The following NRBP1 variants were observed in gnomAD, a reference collection of about 807,000 sequenced individuals.
NRBP1 encodes nuclear receptor binding protein 1, also known as nuclear receptor-binding protein.
In NRBP1, 10 loss-of-function variants were observed where a neutral mutation model predicts 76.0. The observed-to-expected ratio is 0.13, with a 90% CI of 0.08 to 0.22. The LOEUF is 0.22. Among genes scored for constraint, NRBP1 ranks in the 10% least tolerant of loss-of-function variants. The probability of loss-of-function intolerance (pLI) is 1.00; values close to 1 mark genes in which losing one functional copy is unlikely to be tolerated. For missense variants in NRBP1, 344 were observed against 646.0 expected (o/e 0.53, Z 5.07); for synonymous variants, 235 against 240.2 (o/e 0.98, Z 0.20).
At chr2:27,428,601 C>A (rs1257926069), upstream of NRBP1, 2 of 397,608 alleles carry the variant, frequency 5.0e-6, no homozygotes, top group East Asian at 7.1e-5. Flanking sequence ...ATCGTTGGTC[C>A]GGGCGCCGCG....
At chr2:27,436,860 C>G (rs1339816928) in intron 8 of NRBP1, 24 bp downstream of exon 8, 2 of 1,602,166 alleles carry the variant, frequency 1.2e-6, no homozygotes, top group Non-Finnish European at 1.7e-6. Flanking sequence ...CTTTCTCTGC[C>G]CTGTCCTCAT....
intron 4 of NRBP1, 69 bp downstream of exon 4, chr2:27,434,159 T>C (rs1304864652): frequency 8.1e-7 from 1 of 1,233,936 alleles, no homozygotes; most frequent in African/African-American, 1.5e-5. Context: ...TATTGTTCCT[T>C]TTACACTCAG....
At chr2:27,441,002 CAAAT>C (rs1664522713) in intron 14 of NRBP1, 62 bp downstream of exon 14, 7 of 1,610,628 alleles carry the variant, frequency 4.3e-6, no homozygotes, top group East Asian at 2.2e-5. Flanking sequence ...GAGGACATCT[CAAAT>C]AAGGCTCTAT....
intron 1 of NRBP1, chr2:27,429,167 C>G (rs562779981): frequency 6.5e-6 from 1 of 152,734 alleles, no homozygotes; most frequent in East Asian, 1.9e-4. Flanking sequence ...ACTGCGCTGT[C>G]GGTCCGGCCT....
chr2:27,436,707 T>C (rs759202376), intron 7 of NRBP1, 46 bp from the exon 8 acceptor site: 22 of 1,544,956 alleles, frequency 1.4e-5, no homozygotes, highest in Non-Finnish European at 2.0e-5. Flanking sequence ...GTGAGACTAT[T>C]CTTCATTGAT....
At chr2:27,436,046 T>A (rs533591100) in intron 7 of NRBP1, 16 of 529,918 alleles carry the variant, frequency 3.0e-5, no homozygotes, top group Middle Eastern at 5.1e-4. Flanking sequence ...TAGTCATTGT[T>A]TATGATCTGA....
At chr2:27,434,660 G>A in intron 5 of NRBP1, 62 bp from the exon 6 acceptor site, 2 of 1,601,522 alleles carry the variant, frequency 1.2e-6, no homozygotes, top group Non-Finnish European at 1.7e-6. Flanking sequence ...GACGGAAGGA[G>A]CTAGTGGGAG....
Position 27,441,330 on chromosome 2 carries a change from A to C in NRBP1, c.1447A>C (p.Asn483His), listed in dbSNP as rs750877807. ...GCACCTGAGCTGTGACCTGATGCCA[A>C]GTGAGTCTCTCCTTTCCCTCAGAGG... is the stretch of plus-strand genomic sequence containing the variant. ...NRHLSCDLMP[N>H]ENIPELAAEL... The change falls in exon 16 of 18, where the codon AAT (asparagine) becomes CAT (histidine). Residue 483 changes from asparagine to histidine, a missense_variant and splice_region_variant. Physicochemically the swap from Asn to His is moderately conservative, Grantham distance 68 (BLOSUM62 1). Around this residue, in one of 3 missense-constraint regions of NRBP1, gnomAD observed 218 missense variants for 309.8 expected, o/e 0.70. Transcript: ENST00000379852. 1 of 1,613,720 alleles carries C rather than the reference A, an allele frequency of 6.2e-7. No individual in the cohort carries two copies.
Position 27,441,727 on chromosome 2 carries a change from C to T in NRBP1, c.1523C>T (p.Thr508Ile), listed in dbSNP as rs1362882652. 6 of 1,613,976 alleles carry T rather than the reference C, an allele frequency of 3.7e-6. No individual in the cohort carries two copies. Among genetic ancestry groups the T allele is most frequent in the Admixed American group, 1.7e-5 (1 of 60,002 alleles). ...FISEADQSRL[T>I]SLLEETLNKF... is the part of the protein sequence containing the mutation. Reference sequence around the variant, plus strand: ...CCCCAGGCTGACCAGAGCCGGTTGACTTCTCTGCTAGAAGAGACCTTGAAC... The same window carrying T: ...CCCCAGGCTGACCAGAGCCGGTTGATTTCTCTGCTAGAAGAGACCTTGAAC... The change falls in exon 18 of 18, where the codon ACT becomes ATT. Residue 508 changes from threonine to isoleucine, a missense_variant. Physicochemically the swap from Thr to Ile is moderately conservative, Grantham distance 89. Coordinates refer to ENST00000379852, the MANE Select transcript of NRBP1 (RefSeq NM_013392.4).
At chr2:27,434,609 T>C in intron 5 of NRBP1, 49 bp downstream of exon 5, 3 of 1,596,730 alleles carry the variant, frequency 1.9e-6, no homozygotes, top group Non-Finnish European at 2.6e-6. Context: ...TGGGGGTGGT[T>C]TTAAAAAGGA....
At chr2:27,429,849 T>C (rs1243026070) in intron 1 of NRBP1, among the ~76,000 whole-genome samples, 3 of 152,312 alleles carry the variant, frequency 2.0e-5, no homozygotes, top group Admixed American at 2.0e-4. Flanking sequence ...CTGGAGCCCA[T>C]TGGCTACAGC....
At position 27,428,721 on chromosome 2, in the gene NRBP1, G is replaced by A; in HGVS notation, c.-31G>A. ...AGCTGAAGCGCAGGCTGCGGGGCGC[G>A]GAGTCGGGAGGTGAGCGCCCAGGGA... On this transcript the variant is annotated 5_prime_UTR_variant, in exon 1 of 18. Transcript: ENST00000379852. 2 of 398,286 alleles carry A rather than the reference G, an allele frequency of 5.0e-6. No individual in the cohort carries two copies. The highest frequency in any genetic ancestry group is 8.9e-6 in the Non-Finnish European group (2 of 225,824). 24.7% of individuals were successfully genotyped at this position (398,286 alleles called of 1,614,324 possible). A position where few individuals can be genotyped will look rare whatever the true frequency, so the allele number is the denominator to read the frequency against.
chr2:27,439,890 G>T lies in NRBP1; in HGVS notation c.1028G>T (p.Gly343Val). Residue 343 changes from glycine to valine, a missense_variant, in exon 11 of 18, where the codon GGA (glycine) becomes GTA (valine). By Grantham distance (109) the Gly-to-Val change is moderately radical. This residue lies in a region of NRBP1 where 218 missense variants were observed against 309.8 expected (regional missense o/e 0.70). Transcript: ENST00000379852. ...CTCCTTGCGGCCCACTGCATTGTGG[G>T]ACACCAACGTGAGTCGTCTTGGCCC... ...LKLLAAHCIV[G>V]HQHMIPENAL... The T allele has an allele frequency of 6.2e-7, 1 of 1,611,922 alleles. No individual in the cohort carries two copies. Among genetic ancestry groups the T allele is most frequent in the Non-Finnish European group, 8.5e-7 (1 of 1,178,864 alleles).
chr2:27,440,017 T>A, intron 11 of NRBP1, 119 bp downstream of exon 11: 1 of 355,384 alleles, frequency 2.8e-6, no homozygotes, highest in South Asian at 5.9e-5. Context: ...TTTTTTTTTT[T>A]TTTTTTTTTT....
At chr2:27,428,081 T>C (rs1453807339), upstream of NRBP1, 1 of 152,284 alleles carries the variant, frequency 6.6e-6, no homozygotes, top group Non-Finnish European at 1.5e-5. Flanking sequence ...AGTTCGTTCT[T>C]ATGAGGATCA....
At position 27,433,291 on chromosome 2, in the gene NRBP1, C is replaced by G; in HGVS notation, c.18C>G (p.Ser6=). ...CTTCCAGCATGTCGGAGGGGGAGTC[C>G]CAGACAGTACTTAGCAGTGGCTCAG... MSEGE[S]QTVLSSGSDP... Residue 6 remains serine (S), a synonymous_variant, in exon 2 of 18, where the codon TCC becomes TCG. Coordinates refer to ENST00000379852, the MANE Select transcript of NRBP1 (RefSeq NM_013392.4). 1.9e-6 allele frequency: 3 copies of G among 1,613,920 alleles called. No individual in the cohort carries two copies. Among genetic ancestry groups the G allele is most frequent in the Non-Finnish European group, 8.5e-7 (1 of 1,180,002 alleles).
At chr2:27,439,944 C>G in intron 11 of NRBP1, 46 bp downstream of exon 11, 1 of 1,528,058 alleles carries the variant, frequency 6.5e-7, no homozygotes, top group Non-Finnish European at 8.8e-7. Flanking sequence ...AATCTGGAGC[C>G]CTGTAACTAT....
rs70953859 is a variant in NRBP1 at position 27,439,995 on chromosome 2, C to CTTT, written c.1036+131_1036+133dup. The CTTT allele has an allele frequency of 1.1e-3, 508 of 459,584 alleles. 126 individuals are homozygous for CTTT. Among genetic ancestry groups the CTTT allele is most frequent in the East Asian group, 2.8e-3 (27 of 9,638 alleles). The allele number at this position is 459,584 out of a possible 1,614,324, so 28.5% of individuals were successfully genotyped here. ...TTTCCTCTTTATTTCCAAAGGGATT[C>CTTT]TTTTTTTTTTTTTTTTTTTTTTTTT... On this transcript the variant is annotated intron_variant, in intron 11 of 17. Transcript: ENST00000379852.
intron 2 of NRBP1, 21 bp downstream of exon 2, chr2:27,433,504 C>G: frequency 6.2e-7 from 1 of 1,612,240 alleles, no homozygotes; most frequent in South Asian, 1.1e-5. Context: ...GGTACAGTTA[C>G]TCTTGGGTGA....
Sources: allele counts gnomAD v4.1 joint callset (sites outside exome capture counted in the v4.1 genomes callset), GRCh38; gene constraint gnomAD v4.1.1; regional missense constraint gnomAD v4.1.1; transcripts MANE v1.5; gene names NCBI Gene and HGNC (gene_info 2026-07-23, HGNC 2026-07-21).